Variants in MTRFR observed in about 807,000 individuals in gnomAD.
MTRFR encodes the protein mitochondrial translation release factor in rescue.
In MTRFR, 10 loss-of-function variants were observed where a neutral mutation model predicts 11.9. The ratio of observed to expected loss-of-function variants is 0.84; its 90% confidence interval spans 0.52 to 1.42. The LOEUF is 1.42. Among genes scored for constraint, MTRFR ranks in the 40% most tolerant of loss-of-function variants. MTRFR has a pLI of 0.00. For synonymous variants in MTRFR, 77 were observed against 79.1 expected (o/e 0.97, Z 0.14); for missense variants, 196 against 197.9 (o/e 0.99, Z 0.06).
intron 1 of MTRFR, chr12:123,249,814 A>G (rs1325760287): frequency 6.6e-6 from 1 of 152,272 alleles, no homozygotes; most frequent in Non-Finnish European, 1.5e-5. Context: ...CTACTAGCAC[A>G]TTGTCACCTC....
chr12:123,246,699 T>C (rs936326804), intron 1 of MTRFR, among the ~76,000 whole-genome samples: 5 of 144,522 alleles, frequency 3.5e-5, no homozygotes, highest in African/African-American at 1.0e-4. Context: ...GAGTGCTTGA[T>C]ATAATTTCAA....
At chr12:123,237,449 C>T (rs1306073161) in intron 1 of MTRFR, among the ~76,000 whole-genome samples, 4 of 152,038 alleles carry the variant, frequency 2.6e-5, no homozygotes, top group African/African-American at 9.7e-5. Context: ...TAAAAATGAA[C>T]GAGATGTTGG....
In MTRFR at chr12:123,243,903, G is replaced by A. The variant is rs1171828691; in HGVS notation, c.-28-9744G>A. 5 of 152,262 alleles carry A rather than the reference G, an allele frequency of 3.3e-5. No individual in the cohort carries two copies. The East Asian group carries it at 7.7e-4, about 24-fold the overall frequency. The allele number at this position is 152,262 out of a possible 1,614,324, so 9.4% of individuals were successfully genotyped here. A position where few individuals can be genotyped will look rare whatever the true frequency, so the allele number is the denominator to read the frequency against. On this transcript the variant is annotated intron_variant, in intron 1 of 2. Coordinates refer to ENST00000253233, the MANE Select transcript of MTRFR (RefSeq NM_152269.5). Reference sequence around the variant, plus strand: ...CTCCATCCTGCTTCCTCCTCAGTGGGTATCTATCTGGATCTCACAGTGGGC... The same window carrying A: ...CTCCATCCTGCTTCCTCCTCAGTGGATATCTATCTGGATCTCACAGTGGGC...
At chr12:123,248,182 ATT>A (rs1009504388) in intron 1 of MTRFR, 2 of 152,058 alleles carry the variant, frequency 1.3e-5, no homozygotes, top group African/African-American at 4.8e-5. Context: ...TTCTCTCAGC[ATT>A]TGTTTGTCTG....
intron 1 of MTRFR, among the ~76,000 whole-genome samples, chr12:123,238,806 G>A (rs1249742774): frequency 2.6e-5 from 4 of 152,150 alleles, no homozygotes; most frequent in African/African-American, 9.6e-5. Flanking sequence ...CATCCTCCAC[G>A]TGGTGCTTTT....
chr12:123,239,835 C>A (rs1257400450), intron 1 of MTRFR, among the ~76,000 whole-genome samples: 2 of 152,112 alleles, frequency 1.3e-5, no homozygotes, highest in Non-Finnish European at 2.9e-5. Context: ...TCTCTGCTAG[C>A]TCAAATCAGT....
rs749250064 is a variant in MTRFR, at chr12:123,257,032, GA to G, written c.*5del. On this transcript the variant is annotated 3_prime_UTR_variant, in exon 3 of 3. Transcript: ENST00000253233. ...GGAGTCAAGTAAAAAGGTCCACTGA[GA>G]AAAGAATTAGAGATTCCAACTGACA... 3.7e-6 allele frequency: 6 copies of G among 1,608,982 alleles called. No homozygotes were observed. Among genetic ancestry groups the G allele is most frequent in the Non-Finnish European group, 5.1e-6 (6 of 1,176,780 alleles).
chr12:123,256,719 A>G (rs576658098), intron 2 of MTRFR, 94 bp from the exon 3 acceptor site: 2 of 979,762 alleles, frequency 2.0e-6, no homozygotes, highest in Non-Finnish European at 3.2e-6. Flanking sequence ...AATAGTAAAT[A>G]AAAAAGCGAA....
At chr12:123,250,856 G>C (rs1324471288) in intron 1 of MTRFR, 1 of 152,252 alleles carries the variant, frequency 6.6e-6, no homozygotes, top group Non-Finnish European at 1.5e-5. Context: ...ATCAGCTGTG[G>C]TAATATGGGG....
intron 1 of MTRFR, among the ~76,000 whole-genome samples, chr12:123,246,288 G>C (rs941254880): frequency 6.6e-5 from 10 of 151,962 alleles, no homozygotes; most frequent in African/African-American, 2.4e-4. Context: ...CCCAATCTCA[G>C]GTGATCCACA....
At chr12:123,255,428 C>T (rs1376743515) in intron 2 of MTRFR, among the ~76,000 whole-genome samples, 4 of 152,038 alleles carry the variant, frequency 2.6e-5, no homozygotes, top group African/African-American at 9.7e-5. Context: ...AACTTGCTTT[C>T]AGAATTATTC....
chr12:123,240,378 A>T (rs1355614130), intron 1 of MTRFR, among the ~76,000 whole-genome samples: 2 of 152,068 alleles, frequency 1.3e-5, no homozygotes, highest in Non-Finnish European at 2.9e-5. Flanking sequence ...GCAGAGCCTC[A>T]GGCCTCGCCC....
At chr12:123,237,501 A>G (rs1237440812) in intron 1 of MTRFR, among the ~76,000 whole-genome samples, 1 of 152,192 alleles carries the variant, frequency 6.6e-6, no homozygotes, top group Non-Finnish European at 1.5e-5. Flanking sequence ...TTCATTAGCT[A>G]TCTCTTGAAT....
At chr12:123,241,392 C>T (rs1181038642) in intron 1 of MTRFR, among the ~76,000 whole-genome samples, 2 of 152,258 alleles carry the variant, frequency 1.3e-5, no homozygotes, top group Non-Finnish European at 2.9e-5. Context: ...GGCTGGAGCG[C>T]AATGGCGTGA....
At chr12:123,235,299 T>C (rs1487157464) in intron 1 of MTRFR, among the ~76,000 whole-genome samples, 1 of 152,170 alleles carries the variant, frequency 6.6e-6, no homozygotes, top group African/African-American at 2.4e-5. Flanking sequence ...CGCAGGTCTG[T>C]TGGCCACAGA....
At chr12:123,233,640 C>G (rs540672665) in intron 1 of MTRFR, 109 bp downstream of exon 1, 13 of 152,302 alleles carry the variant, frequency 8.5e-5, no homozygotes, top group Admixed American at 2.6e-4. Context: ...GACTTGCGAC[C>G]CCGAGTGGCG....
chr12:123,244,930 A>ATTTTTTTTT lies in MTRFR; in HGVS notation c.-28-8695_-28-8687dup, dbSNP rs544105176. 7.0e-3 allele frequency among the ~76,000 whole-genome samples: 456 copies of ATTTTTTTTT among 65,056 alleles called. 44 individuals are homozygous for ATTTTTTTTT. Among genetic ancestry groups the ATTTTTTTTT allele is most frequent in the Admixed American group, 0.016 (85 of 5,412 alleles). 42.7% of individuals were successfully genotyped at this position (65,056 alleles called of 152,430 possible). Reference sequence around the variant, plus strand: ...ACAGGTATGAGCCACCGCACCCGGCATTTTTTTTTTTTTTTTTTTTTTTTT... The same window carrying ATTTTTTTTT: ...ACAGGTATGAGCCACCGCACCCGGCATTTTTTTTTTTTTTTTTTTTTTTTTTTTTTTTTT... On this transcript the variant is annotated intron_variant, in intron 1 of 2. Transcript: ENST00000253233.
Position 123,256,988 on chromosome 12 carries a change from AGC to A in MTRFR, c.459_460del (p.Lys153AsnfsTer3), listed in dbSNP as rs747998147. 1 of 1,612,110 alleles carries A rather than the reference AGC, an allele frequency of 6.2e-7. No homozygotes were observed. Among genetic ancestry groups the A allele is most frequent in the Non-Finnish European group, 8.5e-7 (1 of 1,179,672 alleles). On this transcript the variant is annotated frameshift_variant, in exon 3 of 3. Transcript: ENST00000253233. LOFTEE classifies it high-confidence loss of function. Reference sequence around the variant, plus strand: ...GCAAAGGAAACCCTGGAAAAAAAGAAGCTACTTAAAGAACTGTGGGAGTCAAG... The same window carrying A: ...GCAAAGGAAACCCTGGAAAAAAAGAATACTTAAAGAACTGTGGGAGTCAAG...
Position 123,256,972 on chromosome 12 carries a change from A to C in MTRFR, c.442A>C (p.Thr148Pro). 1 of 1,612,394 alleles carries C rather than the reference A, an allele frequency of 6.2e-7. No homozygotes were observed. Among genetic ancestry groups the C allele is most frequent in the Non-Finnish European group, 8.5e-7 (1 of 1,179,716 alleles). The change falls in exon 3 of 3, where the codon ACC becomes CCC. Residue 148 changes from threonine (T) to proline (P), a missense_variant. Coordinates refer to ENST00000253233, the MANE Select transcript of MTRFR (RefSeq NM_152269.5). The stretch of plus-strand genomic sequence containing the variant: ...AGAAAGGAAAAAAAGAGCAAAGGAA[A>C]CCCTGGAAAAAAAGAAGCTACTTAA... ...KQERKKRAKE[T>P]LEKKKLLKEL...
Sources: allele counts gnomAD v4.1 joint callset (sites outside exome capture counted in the v4.1 genomes callset), GRCh38; gene constraint gnomAD v4.1.1; transcripts MANE v1.5; gene names NCBI Gene and HGNC (gene_info 2026-07-23, HGNC 2026-07-21).